Variants in UST observed in about 807,000 individuals in gnomAD.
The protein encoded by UST is chondroitin sulfate 2-O-sulfotransferase.
In UST, 21 loss-of-function variants were observed where a neutral mutation model predicts 45.6. The ratio of observed to expected loss-of-function variants is 0.46; its 90% CI spans 0.33 to 0.66. The LOEUF is 0.66. Among genes scored for constraint, UST ranks in the 30% least tolerant of loss-of-function variants. The pLI is 0.02. For missense variants in UST, 463 were observed against 512.4 expected (o/e 0.90, Z 0.93); for synonymous variants, 215 against 200.6 (o/e 1.07, Z -0.61).
intron 5 of UST, among the ~76,000 whole-genome samples, chr6:148,989,078 G>A (rs918147467): frequency 6.6e-6 from 1 of 152,104 alleles, no homozygotes; most frequent in African/African-American, 2.4e-5. Flanking sequence ...GAGGTTCAAA[G>A]GCTTTGAAAA....
intron 2 of UST, among the ~76,000 whole-genome samples, chr6:148,915,962 A>G (rs2114886869): frequency 6.6e-6 from 1 of 152,340 alleles, no homozygotes; most frequent in East Asian, 1.9e-4. Flanking sequence ...AGTGCTATAA[A>G]GAAACATGAA....
At chr6:148,993,560 G>A (rs1258999426) in intron 5 of UST, among the ~76,000 whole-genome samples, 1 of 152,144 alleles carries the variant, frequency 6.6e-6, no homozygotes, top group Middle Eastern at 3.2e-3. Flanking sequence ...AGCTGATACT[G>A]TTTGTATATT....
intron 1 of UST, among the ~76,000 whole-genome samples, chr6:148,763,687 G>C (rs1393657009): frequency 6.6e-6 from 1 of 152,230 alleles, no homozygotes; most frequent in East Asian, 1.9e-4. Flanking sequence ...GGTAAGAAAA[G>C]GGGTCCAGTT....
At chr6:148,803,978 T>G (rs1437840751) in intron 1 of UST, among the ~76,000 whole-genome samples, 14 of 152,222 alleles carry the variant, frequency 9.2e-5, no homozygotes, top group Admixed American at 9.2e-4. Context: ...GATTATGCAC[T>G]TCGTGCGGCC....
chr6:148,922,701 C>G (rs1173227220), intron 2 of UST, among the ~76,000 whole-genome samples: 3 of 151,594 alleles, frequency 2.0e-5, no homozygotes, highest in African/African-American at 7.3e-5. Context: ...TCTTGATCTC[C>G]TGACCTCGTG....
At chr6:148,857,502 A>G (rs1043334416) in intron 1 of UST, among the ~76,000 whole-genome samples, 2 of 152,208 alleles carry the variant, frequency 1.3e-5, no homozygotes, top group African/African-American at 4.8e-5. Flanking sequence ...GGCAGAACTT[A>G]GAGCACAGAC....
chr6:148,970,471 A>G (rs1453017144), intron 5 of UST, among the ~76,000 whole-genome samples: 3 of 152,122 alleles, frequency 2.0e-5, no homozygotes, highest in African/African-American at 7.2e-5. Flanking sequence ...TCAAACCACA[A>G]ATAAGGGGAA....
At chr6:148,884,581 T>C (rs1333032691) in intron 1 of UST, among the ~76,000 whole-genome samples, 3 of 151,524 alleles carry the variant, frequency 2.0e-5, no homozygotes, top group Admixed American at 1.3e-4. Flanking sequence ...TGGTGGCTAG[T>C]GGTGCATGGA....
chr6:148,782,178 T>G (rs1020053202), intron 1 of UST, among the ~76,000 whole-genome samples: 1 of 151,658 alleles, frequency 6.6e-6, no homozygotes, highest in East Asian at 2.0e-4. Flanking sequence ...CTGATGGATC[T>G]GGGCAAAGTA....
chr6:148,864,412 C>T (rs999946389), intron 1 of UST, among the ~76,000 whole-genome samples: 1 of 152,250 alleles, frequency 6.6e-6, no homozygotes, highest in Non-Finnish European at 1.5e-5. Flanking sequence ...CACAGCTTCC[C>T]TTGGCTAGGA....
chr6:149,064,851 C>T (rs1776709231), intron 7 of UST, among the ~76,000 whole-genome samples: 2 of 151,518 alleles, frequency 1.3e-5, no homozygotes, highest in African/African-American at 4.9e-5. Flanking sequence ...TCCAGCTTTC[C>T]ATGTGAAATA....
chr6:148,829,036 C>T (rs144861907), intron 1 of UST, among the ~76,000 whole-genome samples: 2 of 152,230 alleles, frequency 1.3e-5, no homozygotes, highest in East Asian at 1.9e-4. Context: ...CACAATGGCA[C>T]CAATTCCTTG....
chr6:148,820,377 A>G (rs113105047), intron 1 of UST, among the ~76,000 whole-genome samples: 9 of 152,244 alleles, frequency 5.9e-5, no homozygotes, highest in African/African-American at 1.9e-4. Flanking sequence ...TCTGAACTAT[A>G]TGAAAGTTGG....
At chr6:148,971,778 G>A (rs542255057) in intron 5 of UST, among the ~76,000 whole-genome samples, 1 of 152,274 alleles carries the variant, frequency 6.6e-6, no homozygotes, top group African/African-American at 2.4e-5. Context: ...AGATCCCTGG[G>A]GAGGCACTAA....
chr6:148,942,717 T>A (rs1780152577), intron 3 of UST, among the ~76,000 whole-genome samples: 1 of 152,176 alleles, frequency 6.6e-6, no homozygotes, highest in African/African-American at 2.4e-5. Context: ...CATTTTATCT[T>A]GGGGGAAAGT....
chr6:148,922,332 A>G (rs770363384), intron 2 of UST, among the ~76,000 whole-genome samples: 1 of 148,096 alleles, frequency 6.8e-6, no homozygotes, highest in African/African-American at 2.5e-5. Flanking sequence ...TGAGCATTTC[A>G]TATAAGTGGA....
intron 3 of UST, among the ~76,000 whole-genome samples, chr6:148,943,690 T>C (rs1417150318): frequency 1.3e-5 from 2 of 152,332 alleles, no homozygotes; most frequent in South Asian, 2.1e-4. Flanking sequence ...TTCTGTGATA[T>C]ATTTGTACAA....
intron 1 of UST, among the ~76,000 whole-genome samples, chr6:148,809,115 T>C (rs1175419781): frequency 6.6e-6 from 1 of 152,248 alleles, no homozygotes; most frequent in African/African-American, 2.4e-5. Context: ...AGGAAACTCC[T>C]GTCACCAACT....
At chr6:148,904,882 A>G (rs1385196823) in intron 2 of UST, among the ~76,000 whole-genome samples, 1 of 152,068 alleles carries the variant, frequency 6.6e-6, no homozygotes, top group Admixed American at 6.6e-5. Flanking sequence ...CAGATTCCCC[A>G]TCTTGTAAGG....
Sources: gnomAD v4.1 joint callset for allele counts (sites outside exome capture counted in the v4.1 genomes callset) on GRCh38, gnomAD v4.1.1 for gene constraint, MANE v1.5 for transcripts, NCBI Gene and HGNC (gene_info 2026-07-23, HGNC 2026-07-21) for gene names.